The following ANO7 variants were observed in gnomAD, a reference collection of about 807,000 sequenced individuals.
ANO7 encodes the protein anoctamin-7.
In ANO7, 114 loss-of-function variants were observed where a neutral mutation model predicts 115.8. The ratio of observed to expected loss-of-function variants is 0.98; its 90% CI spans 0.85 to 1.15. The LOEUF is 1.15. Ranked by LOEUF, ANO7 falls within the 50% of genes most tolerant of loss-of-function variation. The pLI is 0.00. For synonymous variants in ANO7, 550 were observed against 498.2 expected (o/e 1.10, Z -1.38); for missense variants, 1,302 against 1,201.2 (o/e 1.08, Z -1.24).
intron 5 of ANO7, 121 bp downstream of exon 5, chr2:241,199,544 C>A: frequency 1.1e-6 from 1 of 943,242 alleles, no homozygotes; most frequent in South Asian, 1.5e-5. Context: ...GGGGCTCCTC[C>A]TACCCACCCC....
chr2:241,196,841 G>T (rs1392514561), intron 4 of ANO7, among the ~76,000 whole-genome samples: 1 of 2,096 alleles, frequency 4.8e-4, no homozygotes, highest in Admixed American at 4.4e-3. Flanking sequence ...ATTCATTCGT[G>T]TGTGTGTGTG....
At chr2:241,190,989 C>A (rs1056066863) in intron 2 of ANO7, among the ~76,000 whole-genome samples, 1 of 152,254 alleles carries the variant, frequency 6.6e-6, no homozygotes, top group Non-Finnish European at 1.5e-5. Context: ...CCCGCGCCTG[C>A]GCATCCTGTG....
Position 241,212,576 on chromosome 2 carries a change from G to A in ANO7, c.1678G>A (p.Val560Met). ...VYIAFFKGRF[V>M]GYPGNYHTLF... ...ATGATCTTGACTTTCTCCTAGGTTTGTGGGATACCCAGGCAACTACCACAC... is the reference window on the plus strand; with the variant it reads ...ATGATCTTGACTTTCTCCTAGGTTTATGGGATACCCAGGCAACTACCACAC... The change falls in exon 17 of 25, where the codon GTG becomes ATG. Residue 560 changes from valine to methionine, a missense_variant. Coordinates refer to ENST00000674324, the MANE Select transcript of ANO7 (RefSeq NM_001370694.2). 3 of 1,613,224 alleles carry A rather than the reference G, an allele frequency of 1.9e-6. No homozygotes were observed. Among genetic ancestry groups the A allele is most frequent in the Non-Finnish European group, 2.5e-6 (3 of 1,179,654 alleles).
rs778166152 is a variant in ANO7 at position 241,201,346 on chromosome 2, G to A, written c.603G>A (p.Arg201=). 111 of 1,612,112 alleles carry A rather than the reference G, an allele frequency of 6.9e-5. No individual in the cohort carries two copies. Among genetic ancestry groups the A allele is most frequent in the Non-Finnish European group, 8.5e-5 (100 of 1,179,306 alleles). The change falls in exon 7 of 25, where the codon AGG becomes AGA. Residue 201 remains arginine, a synonymous_variant. Coordinates refer to ENST00000674324, the MANE Select transcript of ANO7 (RefSeq NM_001370694.2). ...NQDTFFTSTK[R]HQILFEILAK... ...ACACCTTCTTCACAAGCACCAAGAGGCACCAAATTGTGAGTGGGGGTTCCC... is the reference window on the plus strand; with the variant it reads ...ACACCTTCTTCACAAGCACCAAGAGACACCAAATTGTGAGTGGGGGTTCCC...
At chr2:241,227,033 C>T (rs2069206427), downstream of ANO7, among the ~76,000 whole-genome samples, 1 of 152,192 alleles carries the variant, frequency 6.6e-6, no homozygotes, top group South Asian at 2.1e-4. Flanking sequence ...GACGGTTGTC[C>T]ACCCTCAATG....
At chr2:241,216,024 C>G (rs2068820775) in intron 18 of ANO7, 69 bp from the exon 19 acceptor site, 3 of 1,529,420 alleles carry the variant, frequency 2.0e-6, no homozygotes, top group East Asian at 2.3e-5. Flanking sequence ...CACATCTCCC[C>G]CAAGGACTAT....
At position 241,207,631 on chromosome 2, in the gene ANO7, C is replaced by T. The variant is rs1241615290; in HGVS notation, c.1038C>T (p.Cys346=). The T allele has an allele frequency of 3.1e-6, 5 of 1,613,732 alleles. No individual in the cohort carries two copies. The highest frequency in any genetic ancestry group is 2.2e-5 in the South Asian group (2 of 91,086). ...SFEMCPLCLD[C]PFWLLSSACA... is the part of the protein sequence containing the mutation. ...AGATGTGCCCACTTTGCCTCGACTGCCCTTTCTGGCTGCTCTCCAGCGCCT... is the reference window on the plus strand; with the variant it reads ...AGATGTGCCCACTTTGCCTCGACTGTCCTTTCTGGCTGCTCTCCAGCGCCT... Residue 346 remains cysteine, a synonymous_variant, in exon 11 of 25, where the codon TGC becomes TGT. Transcript: ENST00000674324.
At chr2:241,201,180 C>T (rs2068460659) in intron 6 of ANO7, 118 bp from the exon 7 acceptor site, 1 of 1,212,760 alleles carries the variant, frequency 8.2e-7, no homozygotes, top group Non-Finnish European at 1.1e-6. Context: ...TGCGCGCCAG[C>T]ACCCGGGCCC....
At chr2:241,218,735 G>C (rs2068933171) in intron 21 of ANO7, among the ~76,000 whole-genome samples, 1 of 152,242 alleles carries the variant, frequency 6.6e-6, no homozygotes, top group Admixed American at 6.5e-5. Context: ...CTTCAGAGCG[G>C]AGCTCGCCGA....
intron 6 of ANO7, among the ~76,000 whole-genome samples, chr2:241,201,033 T>C (rs748335235): frequency 1.4e-4 from 21 of 152,128 alleles, no homozygotes; most frequent in Non-Finnish European, 2.1e-4. Flanking sequence ...TGGTGAGGGG[T>C]TCTGGGTATC....
At chr2:241,196,034 G>A (rs938802025) in intron 4 of ANO7, 189 bp downstream of exon 4, 54 of 1,451,498 alleles carry the variant, frequency 3.7e-5, no homozygotes, top group Non-Finnish European at 4.7e-5. Context: ...CAGAGGCGGA[G>A]GTAAACATTG....
At chr2:241,236,339 G>GCC in the ANO7 span, 1 of 488,670 alleles carries the variant, frequency 2.0e-6, no homozygotes, top group Non-Finnish European at 3.7e-6. Context: ...CCCTTCCACA[G>GCC]CCCCCGCACC....
At chr2:241,218,796 G>T (rs74000606) in intron 21 of ANO7, among the ~76,000 whole-genome samples, 3,631 of 152,300 alleles carry the variant, frequency 0.024, 134 homozygotes, top group African/African-American at 0.083. Context: ...GGGTCTACGT[G>T]AAAGAGTCAT....
At position 241,210,456 on chromosome 2, in the gene ANO7, G is replaced by C. The variant is rs771731193; in HGVS notation, c.1459-12G>C. 1 of 1,613,832 alleles carries C rather than the reference G, an allele frequency of 6.2e-7. No individual in the cohort carries two copies. The highest frequency in any genetic ancestry group is 2.2e-5 in the East Asian group (1 of 44,884). The stretch of plus-strand genomic sequence containing the variant: ...GCCCCTCATCCGGCTCTGACGGCCT[G>C]TCTCCCGTTAGGCCTCTCGCATCGC... On this transcript the variant is annotated splice_polypyrimidine_tract_variant and intron_variant, in intron 14 of 24. Coordinates refer to ENST00000674324, the MANE Select transcript of ANO7 (RefSeq NM_001370694.2).
At chr2:241,192,517 C>T (rs116359609) in intron 3 of ANO7, among the ~76,000 whole-genome samples, 442 of 152,216 alleles carry the variant, frequency 2.9e-3, no homozygotes, top group Non-Finnish European at 5.3e-3. Context: ...TATAAGGACA[C>T]GAGTTGTCAT....
intron 9 of ANO7, among the ~76,000 whole-genome samples, chr2:241,204,512 G>A (rs990779066): frequency 4.6e-5 from 7 of 152,174 alleles, no homozygotes; most frequent in Non-Finnish European, 7.4e-5. Flanking sequence ...CAGCTCTGTG[G>A]TGGGCAGGAT....
chr2:241,195,961 C>A, intron 4 of ANO7, 116 bp downstream of exon 4: 1 of 1,591,290 alleles, frequency 6.3e-7, no homozygotes, highest in East Asian at 2.3e-5. Context: ...AGATCAGGCC[C>A]CAAAGTCCTG....
At chr2:241,212,029 A>G (rs1024120383) in intron 15 of ANO7, 65 bp from the exon 16 acceptor site, 2 of 1,268,730 alleles carry the variant, frequency 1.6e-6, no homozygotes, top group African/African-American at 3.0e-5. Context: ...GTCCTAGGAG[A>G]GGGGGCCCCT....
intron 9 of ANO7, 96 bp from the exon 10 acceptor site, chr2:241,204,769 G>A: frequency 1.1e-6 from 1 of 874,834 alleles, no homozygotes; most frequent in South Asian, 1.6e-5. Flanking sequence ...CTGGGCTGAG[G>A]GTGGTCCCTA....
Sources: gnomAD v4.1 joint callset for allele counts (sites outside exome capture counted in the v4.1 genomes callset) on GRCh38, gnomAD v4.1.1 for gene constraint, MANE v1.5 for transcripts, NCBI Gene and HGNC (gene_info 2026-07-23, HGNC 2026-07-21) for gene names.